Variants in MED27 observed in about 807,000 individuals in gnomAD.
The protein encoded by MED27 is mediator of RNA polymerase II transcription subunit 27.
Under a neutral mutation model 38.2 loss-of-function variants are expected in MED27, and 30 were observed. The observed-to-expected ratio is 0.79, with a 90% CI of 0.59 to 1.07. MED27 has a LOEUF of 1.07. Among genes scored for constraint, MED27 ranks in the 50% least tolerant of loss-of-function variants. MED27 has a pLI of 0.00. For synonymous variants in MED27, 122 were observed against 153.5 expected, an observed-to-expected ratio of 0.79 and a Z score of 1.52; for missense variants, 289 against 397.5, an observed-to-expected ratio of 0.73 and a Z score of 2.32.
chr9:132,001,057 AC>A, intron 3 of MED27, among the ~76,000 whole-genome samples: 1 of 152,162 alleles, frequency 6.6e-6, no homozygotes, highest in South Asian at 2.1e-4. Context: ...CTATGATCAC[AC>A]CACTGCACTC....
intron 4 of MED27, among the ~76,000 whole-genome samples, chr9:131,921,142 CT>C (rs1228674475): frequency 4.6e-5 from 7 of 152,134 alleles, no homozygotes; most frequent in Non-Finnish European, 1.0e-4. Context: ...TCTGAAACAA[CT>C]TTAAACAATT....
intron 3 of MED27, among the ~76,000 whole-genome samples, chr9:131,945,993 C>T (rs940571245): frequency 3.4e-5 from 5 of 148,776 alleles, no homozygotes; most frequent in African/African-American, 9.9e-5. Context: ...AAAAAGCGAT[C>T]GTGCAATATT....
At chr9:132,032,793 C>A (rs567615367) in intron 2 of MED27, among the ~76,000 whole-genome samples, 1 of 152,234 alleles carries the variant, frequency 6.6e-6, no homozygotes, top group Non-Finnish European at 1.5e-5. Flanking sequence ...GCCTCCCCTG[C>A]CCCTCCCTCT....
Position 131,860,434 on chromosome 9 carries a change from G to A in MED27, c.*104C>T. The stretch of plus-strand genomic sequence containing the variant: ...CGCTGCTTTATGAAAGGGAGGAGCA[G>A]CTGTACACATCTGGGCAGTGAGGAA... On this transcript the variant is annotated 3_prime_UTR_variant, in exon 8 of 8. Coordinates refer to ENST00000292035, the MANE Select transcript of MED27 (RefSeq NM_004269.4). The surrounding 1 kb of genome is among the most constrained non-coding windows in gnomAD (Gnocchi z 5.8). The A allele has an allele frequency of 1.5e-6, 2 of 1,302,200 alleles. No individual in the cohort carries two copies. Among genetic ancestry groups the A allele is most frequent in the South Asian group, 3.2e-5 (2 of 63,488 alleles). The allele number at this position is 1,302,200 out of a possible 1,614,324, so 80.7% of individuals were successfully genotyped here. A position where few individuals can be genotyped will look rare whatever the true frequency, so the allele number is the denominator to read the frequency against.
At chr9:132,076,086 T>TCAGC (rs1467642296) in intron 2 of MED27, among the ~76,000 whole-genome samples, 1 of 152,136 alleles carries the variant, frequency 6.6e-6, no homozygotes, top group Non-Finnish European at 1.5e-5. Flanking sequence ...TATCCACAGC[T>TCAGC]GCTGAGTCAT....
At chr9:132,078,207 G>A (rs1564352530) in intron 1 of MED27, among the ~76,000 whole-genome samples, 1 of 152,100 alleles carries the variant, frequency 6.6e-6, no homozygotes, top group Admixed American at 6.5e-5. Flanking sequence ...CACATTCCAG[G>A]AGTACGTTCT....
At chr9:131,903,170 A>T (rs1302438274) in intron 4 of MED27, among the ~76,000 whole-genome samples, 1 of 152,232 alleles carries the variant, frequency 6.6e-6, no homozygotes, top group Non-Finnish European at 1.5e-5. Context: ...GGACTTACAG[A>T]TCCACATGGC....
chr9:131,991,686 CA>C (rs1831978003), intron 3 of MED27, among the ~76,000 whole-genome samples: 1 of 152,136 alleles, frequency 6.6e-6, no homozygotes, highest in South Asian at 2.1e-4. Flanking sequence ...TAATAGTTTT[CA>C]GTGTCTTGGA....
chr9:131,941,705 C>A (rs1830788476), intron 3 of MED27, among the ~76,000 whole-genome samples: 2 of 151,762 alleles, frequency 1.3e-5, no homozygotes, highest in African/African-American at 4.8e-5. Flanking sequence ...CAGTACCAAA[C>A]AGCATCTCCT....
chr9:131,953,714 A>G (rs1039832371), intron 3 of MED27, among the ~76,000 whole-genome samples: 6 of 152,174 alleles, frequency 3.9e-5, no homozygotes, highest in East Asian at 1.9e-4. Context: ...ACTATCTTAC[A>G]GTAAGGCAGG....
chr9:131,938,755 A>G (rs1469154968), intron 4 of MED27, among the ~76,000 whole-genome samples: 1 of 150,070 alleles, frequency 6.7e-6, no homozygotes, highest in Non-Finnish European at 1.5e-5. Flanking sequence ...TCTGTCACCC[A>G]GGCTGGAGAG....
chr9:132,038,188 C>CTTTTT (rs144353393), intron 2 of MED27, among the ~76,000 whole-genome samples: 22 of 125,682 alleles, frequency 1.8e-4, no homozygotes, highest in African/African-American at 5.2e-4. Context: ...AGGCATCCTT[C>CTTTTT]TTTTTTTTTT....
chr9:131,982,100 C>G lies in MED27; in HGVS notation c.479+32237G>C, dbSNP rs1471108526. ...ACTCATGGTCCCCGGTGGAACACTT[C>G]CCAGTATTTATGCCCTTGTGGAGTC... On this transcript the variant is annotated intron_variant, in intron 3 of 7. Coordinates refer to ENST00000292035, the MANE Select transcript of MED27 (RefSeq NM_004269.4). The surrounding 1 kb of genome is among the most constrained non-coding windows in gnomAD (Gnocchi z 4.3). Among the ~76,000 whole-genome samples, 1 of 152,206 alleles carries G rather than the reference C, an allele frequency of 6.6e-6. No individual in the cohort carries two copies. The highest frequency in any genetic ancestry group is 1.5e-5 in the Non-Finnish European group (1 of 68,028).
chr9:132,077,606 G>C lies in MED27; in HGVS notation c.204-20C>G. 6.2e-7 allele frequency: 1 copy of C among 1,613,764 alleles called. No individual in the cohort carries two copies. Among genetic ancestry groups the C allele is most frequent in the Non-Finnish European group, 8.5e-7 (1 of 1,179,804 alleles). On this transcript the variant is annotated intron_variant, in intron 1 of 7. Coordinates refer to ENST00000292035, the MANE Select transcript of MED27 (RefSeq NM_004269.4). ...AGCTCACTGAAAAGCAAAGAGACAA[G>C]GCAAATAAACCTAAGCCCATTTACA...
chr9:132,011,487 G>A (rs116829883), intron 3 of MED27, among the ~76,000 whole-genome samples: 2,437 of 152,234 alleles, frequency 0.016, 56 homozygotes, highest in African/African-American at 0.051. Context: ...ATAATGAGTG[G>A]CACATAGTAG....
intron 3 of MED27, among the ~76,000 whole-genome samples, chr9:132,004,615 C>T (rs1832316392): frequency 6.6e-6 from 1 of 152,182 alleles, no homozygotes; most frequent in Non-Finnish European, 1.5e-5. Context: ...CCCTATCCAT[C>T]CTCACTCTGC....
intron 6 of MED27, among the ~76,000 whole-genome samples, chr9:131,879,567 C>T (rs1190860347): frequency 1.3e-5 from 2 of 152,226 alleles, no homozygotes; most frequent in African/African-American, 4.8e-5. Flanking sequence ...GCACCTCCCA[C>T]CACTGTCAGG....
intron 3 of MED27, among the ~76,000 whole-genome samples, chr9:131,992,676 C>A (rs532201049): frequency 6.6e-6 from 1 of 152,328 alleles, no homozygotes; most frequent in African/African-American, 2.4e-5. Flanking sequence ...AGCTGGGTTA[C>A]AGGTATGAGC....
At chr9:132,079,574 C>T in intron 1 of MED27, 68 bp downstream of exon 1, 1 of 1,481,830 alleles carries the variant, frequency 6.7e-7, no homozygotes, top group Non-Finnish European at 9.4e-7. Flanking sequence ...TGGGAAGACT[C>T]GAGCGACGTA....
Sources: gnomAD v4.1 joint callset for allele counts (sites outside exome capture counted in the v4.1 genomes callset) on GRCh38, gnomAD v4.1.1 for gene constraint, Gnocchi (gnomAD v3.1) non-coding constraint, MANE v1.5 for transcripts, NCBI Gene and HGNC (gene_info 2026-07-23, HGNC 2026-07-21) for gene names.